BCAS3: variants seen among roughly 807,000 people sequenced by gnomAD.
BCAS3 encodes the protein BCAS3 microtubule associated cell migration factor, also known as BCAS4/BCAS3 fusion.
Under a neutral mutation model 116.1 loss-of-function variants are expected in BCAS3, and 53 were observed. The ratio of observed to expected loss-of-function variants is 0.46; its 90% CI spans 0.37 to 0.57. BCAS3 has a LOEUF of 0.57. BCAS3 is among the 20% of genes least tolerant of loss of function. The pLI is 0.00. For missense variants in BCAS3, 917 were observed against 1,165.4 expected (o/e 0.79, Z 3.10); for synonymous variants, 391 against 408.2 (o/e 0.96, Z 0.51).
At chr17:61,340,579 C>A (rs2057074023) in intron 22 of BCAS3, among the ~76,000 whole-genome samples, 1 of 152,138 alleles carries the variant, frequency 6.6e-6, no homozygotes. Flanking sequence ...AGGTCAGGCT[C>A]AGACCCGTTA....
intron 22 of BCAS3, among the ~76,000 whole-genome samples, chr17:61,164,927 G>A (rs1038164841): frequency 6.6e-5 from 10 of 152,130 alleles, no homozygotes; most frequent in Non-Finnish European, 1.0e-4. Flanking sequence ...TTCATTTCCC[G>A]ATTGGACCAC....
chr17:61,236,604 G>C (rs1602096361), intron 22 of BCAS3, among the ~76,000 whole-genome samples: 1 of 152,190 alleles, frequency 6.6e-6, no homozygotes, highest in East Asian at 1.9e-4. Flanking sequence ...ACAGGCGTGA[G>C]CCACCGCATC....
chr17:61,041,417 C>A lies in BCAS3; in HGVS notation c.2029+525C>A, dbSNP rs2067499723. On this transcript the variant is annotated intron_variant, in intron 19 of 23. Transcript: ENST00000407086. The surrounding 1 kb of genome is among the most constrained non-coding windows in gnomAD (Gnocchi z 4.7). ...GCGTGAGCATTTGTAGAGACTGAAC[C>A]AAGTTCATTGACCTAGATAACAGCT... Among the ~76,000 whole-genome samples, 1 of 149,760 alleles carries A rather than the reference C, an allele frequency of 6.7e-6. No homozygotes were observed.
At chr17:60,849,558 A>T (rs1043866070) in intron 7 of BCAS3, among the ~76,000 whole-genome samples, 1 of 152,164 alleles carries the variant, frequency 6.6e-6, no homozygotes, top group African/African-American at 2.4e-5. Context: ...CAATTAAAAA[A>T]AGTTTATAAA....
At chr17:60,824,132 C>T (rs1176619962) in intron 7 of BCAS3, among the ~76,000 whole-genome samples, 1 of 152,092 alleles carries the variant, frequency 6.6e-6, no homozygotes, top group Non-Finnish European at 1.5e-5. Flanking sequence ...TAATTCATTA[C>T]AGTTTTTCCC....
intron 6 of BCAS3, among the ~76,000 whole-genome samples, chr17:60,789,552 A>G (rs918321030): frequency 6.6e-6 from 1 of 152,192 alleles, no homozygotes; most frequent in Admixed American, 6.5e-5. Context: ...TAACAAAAGG[A>G]CTTTGCAACA....
rs2073141945 is a variant in BCAS3, at chr17:61,086,953, T to C, written c.2425+2389T>C. 1.1e-5 allele frequency: 11 copies of C among 985,316 alleles called. No homozygotes were observed. The South Asian group carries it at 4.7e-4, about 42-fold the overall frequency. The allele number at this position is 985,316 out of a possible 1,614,324, so 61.0% of individuals were successfully genotyped here. A position where few individuals can be genotyped will look rare whatever the true frequency, so the allele number is the denominator to read the frequency against. ...CCATCTACTTTAATAGGACCAACTG[T>C]TGTCAACAGAATTACTTTCTACATC... On this transcript the variant is annotated intron_variant, in intron 22 of 23. Coordinates refer to ENST00000407086, the MANE Select transcript of BCAS3 (RefSeq NM_017679.5).
chr17:61,183,813 T>C (rs949115975), intron 22 of BCAS3, among the ~76,000 whole-genome samples: 27 of 152,228 alleles, frequency 1.8e-4, no homozygotes, highest in African/African-American at 6.0e-4. Context: ...CAATTGTTGA[T>C]AGGCTGAAAG....
In BCAS3 at chr17:61,141,391, A is replaced by G. The variant is rs963341877; in HGVS notation, c.2425+56827A>G. Among the ~76,000 whole-genome samples, 1 of 152,068 alleles carries G rather than the reference A, an allele frequency of 6.6e-6. No homozygotes were observed. The highest frequency in any genetic ancestry group is 6.6e-5 in the Admixed American group (1 of 15,260). ...TGGGCAACATACCAAGACTCTGTCT[A>G]CAAAAAAAGTGTTAAAAGTAACCAG... On this transcript the variant is annotated intron_variant, in intron 22 of 23. Coordinates refer to ENST00000407086, the MANE Select transcript of BCAS3 (RefSeq NM_017679.5). The surrounding 1 kb of genome is among the most constrained non-coding windows in gnomAD (Gnocchi z 4.3).
At chr17:61,319,129 G>A (rs899473540) in intron 22 of BCAS3, among the ~76,000 whole-genome samples, 1 of 152,112 alleles carries the variant, frequency 6.6e-6, no homozygotes, top group African/African-American at 2.4e-5. Context: ...ACAGTTACTC[G>A]CAACTCCTTT....
At position 61,361,107 on chromosome 17, in the gene BCAS3, A is replaced by T. The variant is rs2058431178; in HGVS notation, c.2426-7220A>T. 6.6e-6 allele frequency among the ~76,000 whole-genome samples: 1 copy of T among 152,100 alleles called. No individual in the cohort carries two copies. The highest frequency in any genetic ancestry group is 2.4e-5 in the African/African-American group (1 of 41,412). Reference sequence around the variant, plus strand: ...CTATTAGTGCCAATGTGAACCCCTTAAATGGGCATCATTTATTTATTTTCT... The same window carrying T: ...CTATTAGTGCCAATGTGAACCCCTTTAATGGGCATCATTTATTTATTTTCT... On this transcript the variant is annotated intron_variant, in intron 22 of 23. Coordinates refer to ENST00000407086, the MANE Select transcript of BCAS3 (RefSeq NM_017679.5). The surrounding 1 kb of genome is among the most constrained non-coding windows in gnomAD (Gnocchi z 6.5).
At chr17:60,824,049 C>T (rs183727436) in intron 7 of BCAS3, among the ~76,000 whole-genome samples, 1 of 152,266 alleles carries the variant, frequency 6.6e-6, no homozygotes, top group African/African-American at 2.4e-5. Flanking sequence ...ACTTTGACTA[C>T]TATAATAAAC....
intron 5 of BCAS3, among the ~76,000 whole-genome samples, chr17:60,717,000 A>G (rs1477052233): frequency 6.6e-6 from 1 of 152,100 alleles, no homozygotes; most frequent in Non-Finnish European, 1.5e-5. Flanking sequence ...TAGATAATAA[A>G]TATGTATCAT....
rs1417790325 is a variant in BCAS3, at chr17:61,097,443, G to A, written c.2425+12879G>A. Among the ~76,000 whole-genome samples the A allele has an allele frequency of 1.3e-5, 2 of 152,184 alleles. No individual in the cohort carries two copies. Among genetic ancestry groups the A allele is most frequent in the African/African-American group, 4.8e-5 (2 of 41,456 alleles). On this transcript the variant is annotated intron_variant, in intron 22 of 23. Coordinates refer to ENST00000407086, the MANE Select transcript of BCAS3 (RefSeq NM_017679.5). This position sits in a 1 kb window ranked among gnomAD's most constrained non-coding sequence, Gnocchi z 4.0. ...TCCGCCTGCCTCGGCCTCCCAAAGT[G>A]CTGGGATTAGCCACTGTGACCAGCC...
intron 7 of BCAS3, among the ~76,000 whole-genome samples, chr17:60,813,810 G>T (rs901627991): frequency 1.3e-5 from 2 of 152,000 alleles, no homozygotes; most frequent in African/African-American, 4.8e-5. Flanking sequence ...TGTCATTGTC[G>T]ACTTTGTTGA....
intron 22 of BCAS3, among the ~76,000 whole-genome samples, chr17:61,317,832 A>G (rs1031743626): frequency 1.3e-5 from 2 of 152,228 alleles, no homozygotes; most frequent in African/African-American, 4.8e-5. Context: ...ACACGGTGTC[A>G]GAGCCAGCCA....
chr17:60,758,220 G>T (rs1002914030), intron 6 of BCAS3, among the ~76,000 whole-genome samples: 2 of 151,998 alleles, frequency 1.3e-5, no homozygotes, highest in Admixed American at 1.3e-4. Context: ...ACTCAAAATT[G>T]CTCTATTTGG....
intron 22 of BCAS3, among the ~76,000 whole-genome samples, chr17:61,351,009 G>A (rs2057808822): frequency 6.6e-6 from 1 of 152,128 alleles, no homozygotes; most frequent in African/African-American, 2.4e-5. Flanking sequence ...ATTGAAGGAT[G>A]GTGCTGTCTG....
intron 6 of BCAS3, among the ~76,000 whole-genome samples, chr17:60,752,159 T>G (rs2042532972): frequency 7.3e-6 from 1 of 136,754 alleles, no homozygotes; most frequent in African/African-American, 3.5e-5. Context: ...CTGAAGGGTG[T>G]GTGTGTGTGT....
Sources: allele counts gnomAD v4.1 joint callset (sites outside exome capture counted in the v4.1 genomes callset), GRCh38; gene constraint gnomAD v4.1.1; non-coding constraint Gnocchi (gnomAD v3.1); transcripts MANE v1.5; gene names NCBI Gene and HGNC (gene_info 2026-07-23, HGNC 2026-07-21).